INTS4: variants seen among roughly 807,000 people sequenced by gnomAD.
The protein encoded by INTS4 is MSTP093.
In INTS4, 70 loss-of-function variants were observed where a neutral mutation model predicts 119.5. The ratio of observed to expected loss-of-function variants is 0.59; its 90% CI spans 0.48 to 0.71. The LOEUF (loss-of-function observed/expected upper bound fraction) is 0.71, where lower values mean the gene tolerates loss of function less well. Among genes scored for constraint, INTS4 ranks in the 30% least tolerant of loss-of-function variants. The probability of loss-of-function intolerance (pLI) is 0.00; values close to 1 mark genes in which losing one functional copy is unlikely to be tolerated. For synonymous variants in INTS4, 316 were observed against 419.6 expected (o/e 0.75, Z 3.02); for missense variants, 867 against 1,173.2 (o/e 0.74, Z 3.81).
At chr11:77,903,163 G>A (rs566113045) in intron 17 of INTS4, among the ~76,000 whole-genome samples, 1 of 152,324 alleles carries the variant, frequency 6.6e-6, no homozygotes, top group African/African-American at 2.4e-5. Context: ...CTGGGACTAG[G>A]ACCCAGGTCC....
chr11:77,935,306 A>G (rs1296692833), intron 10 of INTS4, among the ~76,000 whole-genome samples: 1 of 152,222 alleles, frequency 6.6e-6, no homozygotes, highest in African/African-American at 2.4e-5. Context: ...GATTACAGCA[A>G]TTCTGTTTAG....
rs367835946 is a variant in INTS4 at position 77,984,504 on chromosome 11, A to G, written c.247-2928T>C. 4.6e-5 allele frequency among the ~76,000 whole-genome samples: 7 copies of G among 151,716 alleles called. No homozygotes were observed. In the South Asian group the frequency reaches 1.5e-3, roughly 32 times the overall value. ...GTGAGACTCTGTGTCAAAAAATGAA[A>G]AAAAAAAAAAGGTAGATGGTGGTTG... On this transcript the variant is annotated intron_variant, in intron 2 of 22. Coordinates refer to ENST00000534064, the MANE Select transcript of INTS4 (RefSeq NM_033547.4).
chr11:77,908,520 G>A (rs1255737292), intron 15 of INTS4, among the ~76,000 whole-genome samples: 1 of 152,002 alleles, frequency 6.6e-6, no homozygotes, highest in Non-Finnish European at 1.5e-5. Context: ...GTAGAGACAG[G>A]GTTTCACCAT....
intron 11 of INTS4, among the ~76,000 whole-genome samples, chr11:77,927,280 A>C (rs2136493238): frequency 6.6e-6 from 1 of 152,324 alleles, no homozygotes; most frequent in Non-Finnish European, 1.5e-5. Context: ...TTAGGAAAAA[A>C]TACATGAAAA....
chr11:77,938,335 A>G (rs1953851204), intron 10 of INTS4, among the ~76,000 whole-genome samples: 1 of 152,180 alleles, frequency 6.6e-6, no homozygotes, highest in Non-Finnish European at 1.5e-5. Flanking sequence ...AGGCACGTGT[A>G]TTATGCCAAG....
intron 4 of INTS4, chr11:77,963,322 T>A (rs987505519): frequency 2.8e-6 from 1 of 361,802 alleles, no homozygotes; most frequent in Non-Finnish European, 5.1e-6. Flanking sequence ...GAACTGCTTT[T>A]CTGGCCGGGC....
At chr11:77,910,613 TA>T (rs990375744) in intron 15 of INTS4, among the ~76,000 whole-genome samples, 53 of 151,108 alleles carry the variant, frequency 3.5e-4, no homozygotes, top group African/African-American at 9.5e-4. Flanking sequence ...AATGTTTCTT[TA>T]AAAAAAAAAT....
Position 77,907,802 on chromosome 11 carries a change from T to C in INTS4, c.1931A>G (p.Gln644Arg). The C allele has an allele frequency of 4.3e-6, 7 of 1,610,294 alleles. No homozygotes were observed. Among genetic ancestry groups the C allele is most frequent in the Non-Finnish European group, 5.9e-6 (7 of 1,176,784 alleles). ...ELLEFTIRDL[Q>R]RLGELQSELA... ...TTCAGATTGAAGTTCTCCAAGTCTTTGCAGATCCCTATAGTAAATAAAACC... is the reference window on the plus strand; with the variant it reads ...TTCAGATTGAAGTTCTCCAAGTCTTCGCAGATCCCTATAGTAAATAAAACC... The change falls in exon 16 of 23, where the codon CAA becomes CGA. Residue 644 changes from glutamine to arginine, a missense_variant. Physicochemically the swap from Gln to Arg is conservative, Grantham distance 43 (BLOSUM62 1). This residue lies in a region of INTS4 where 262 missense variants were observed against 376.0 expected (regional missense o/e 0.70). Transcript: ENST00000534064.
At position 77,991,438 on chromosome 11, in the gene INTS4, G is replaced by A. The variant is rs17752458; in HGVS notation, c.55-139C>T. On this transcript the variant is annotated intron_variant, in intron 1 of 22. Transcript: ENST00000534064. ...AAAATACAGTATTATAAACCAGAAA[G>A]AGTACCGGGTTGGTGACAAGGCCAT... is the stretch of plus-strand genomic sequence containing the variant. The A allele has an allele frequency of 2.6e-5, 18 of 698,584 alleles. No individual in the cohort carries two copies. The African/African-American group carries it at 3.0e-4, about 12-fold the overall frequency. The allele number at this position is 698,584 out of a possible 1,614,324, so 43.3% of individuals were successfully genotyped here.
intron 3 of INTS4, among the ~76,000 whole-genome samples, chr11:77,981,208 A>G (rs1304582420): frequency 1.3e-5 from 2 of 151,226 alleles, no homozygotes; most frequent in East Asian, 3.9e-4. Context: ...AAAAAAAAAA[A>G]AGGGACAATA....
intron 4 of INTS4, among the ~76,000 whole-genome samples, chr11:77,964,592 A>T (rs889432348): frequency 6.6e-6 from 1 of 151,618 alleles, no homozygotes; most frequent in African/African-American, 2.4e-5. Context: ...AAATAAAAAT[A>T]AAAAATAAAT....
At chr11:77,971,104 A>G (rs1855712587) in intron 4 of INTS4, among the ~76,000 whole-genome samples, 1 of 151,870 alleles carries the variant, frequency 6.6e-6, no homozygotes, top group Non-Finnish European at 1.5e-5. Context: ...CACAGCACCC[A>G]GCTCATTGTG....
At chr11:77,943,920 C>T (rs1953988025) in intron 8 of INTS4, among the ~76,000 whole-genome samples, 1 of 152,070 alleles carries the variant, frequency 6.6e-6, no homozygotes, top group African/African-American at 2.4e-5. Context: ...CTGCATTTAC[C>T]CTGGGAAAGA....
chr11:77,964,757 GAA>G (rs1346500782), intron 4 of INTS4, among the ~76,000 whole-genome samples: 4 of 151,854 alleles, frequency 2.6e-5, no homozygotes, highest in Non-Finnish European at 5.9e-5. Flanking sequence ...AGGAAGGAAA[GAA>G]GAGAGGGAGG....
Position 77,981,544 on chromosome 11 carries a change from T to G in INTS4, c.279A>C (p.Ala93=), listed in dbSNP as rs201228040. The G allele has an allele frequency of 1.3e-6, 2 of 1,587,008 alleles. No homozygotes were observed. Among genetic ancestry groups the G allele is most frequent in the Non-Finnish European group, 1.7e-6 (2 of 1,165,128 alleles). ...TCTTTGATAATAAACCCAACAATGATGCAATTTTCAGTCTCACAGATGGAT... is the reference window on the plus strand; with the variant it reads ...TCTTTGATAATAAACCCAACAATGAGGCAATTTTCAGTCTCACAGATGGAT... ...ENDPSVRLKI[A]SLLGLLSKTA... is the part of the protein sequence containing the mutation. The change falls in exon 3 of 23, where the codon GCA becomes GCC. Residue 93 remains alanine (A), a synonymous_variant. Transcript: ENST00000534064.
Position 77,981,822 on chromosome 11 carries a change from C to A in INTS4, c.247-246G>T, listed in dbSNP as rs556638529. ...CTGTTGCCCAGCCTGGAGTGCAGTG[C>A]GTGATCTTGGCTCAATGCAACCTCT... On this transcript the variant is annotated intron_variant, in intron 2 of 22. Transcript: ENST00000534064. Among the ~76,000 whole-genome samples the A allele has an allele frequency of 1.4e-3, 207 of 151,788 alleles. 1 individual carries two copies. Among genetic ancestry groups the A allele is most frequent in the African/African-American group, 3.4e-3 (139 of 41,390 alleles).
intron 4 of INTS4, among the ~76,000 whole-genome samples, chr11:77,975,077 TTC>T (rs1855891346): frequency 6.6e-6 from 1 of 152,184 alleles, no homozygotes; most frequent in African/African-American, 2.4e-5. Flanking sequence ...TGTTTTTCTA[TTC>T]TGTTTAATTA....
chr11:77,941,111 C>G, intron 9 of INTS4, 69 bp downstream of exon 9: 1 of 1,573,072 alleles, frequency 6.4e-7, no homozygotes, highest in Non-Finnish European at 8.6e-7. Context: ...TAAATCAACA[C>G]AACTCAGCAT....
At chr11:77,894,124 T>A (rs979370943) in intron 19 of INTS4, among the ~76,000 whole-genome samples, 166 bp downstream of exon 19, 17 of 152,064 alleles carry the variant, frequency 1.1e-4, no homozygotes, top group Non-Finnish European at 2.5e-4. Flanking sequence ...AAAACCAAAT[T>A]AGGTTCTTTT....
Sources: allele counts gnomAD v4.1 joint callset (sites outside exome capture counted in the v4.1 genomes callset), GRCh38; gene constraint gnomAD v4.1.1; regional missense constraint gnomAD v4.1.1; transcripts MANE v1.5; gene names NCBI Gene and HGNC (gene_info 2026-07-23, HGNC 2026-07-21).